The following FGF13 variants were observed in gnomAD, a reference collection of about 807,000 sequenced individuals.
FGF13 encodes fibroblast growth factor homologous factor 2.
Under a neutral mutation model 19.5 loss-of-function variants are expected in FGF13, and 2 were observed. The observed-to-expected ratio is 0.10, with a 90% CI of 0.04 to 0.32. FGF13 has a LOEUF of 0.32. Among genes scored for constraint, FGF13 ranks in the 10% least tolerant of loss-of-function variants. FGF13 has a pLI of 1.00. For missense variants in FGF13, 113 were observed against 192.7 expected, an observed-to-expected ratio of 0.59 and a Z score of 2.45; for synonymous variants, 72 against 76.9, an observed-to-expected ratio of 0.94 and a Z score of 0.33.
intron 1 of FGF13, among the ~76,000 whole-genome samples, chrX:139,028,836 T>A (rs1053209131): frequency 9.1e-6 from 1 of 109,927 alleles, no homozygotes; most frequent in Non-Finnish European, 1.9e-5. Context: ...GGTAGCTTTT[T>A]TTAAGTAAAA....
At chrX:139,104,463 C>T (rs2083542760) in intron 1 of FGF13, among the ~76,000 whole-genome samples, 2 of 110,903 alleles carry the variant, frequency 1.8e-5, no homozygotes, top group Non-Finnish European at 3.8e-5. Context: ...GAATATTGGG[C>T]AGCACTGGAC....
At chrX:138,784,222 G>T (rs1262914719) in intron 3 of FGF13, among the ~76,000 whole-genome samples, 1 of 98,514 alleles carries the variant, frequency 1.0e-5, no homozygotes, top group Non-Finnish European at 2.0e-5. Flanking sequence ...GCTAGATGAC[G>T]AGTTAGTGGG....
chrX:138,832,449 T>C (rs2091081017), intron 3 of FGF13, among the ~76,000 whole-genome samples: 1 of 112,160 alleles, frequency 8.9e-6, no homozygotes, highest in Admixed American at 9.4e-5. Context: ...ATTGGTCACA[T>C]GTATGTCTTC....
intron 3 of FGF13, among the ~76,000 whole-genome samples, chrX:138,745,843 G>A (rs183763667): frequency 8.9e-4 from 99 of 111,610 alleles, no homozygotes; most frequent in African/African-American, 3.0e-3. Flanking sequence ...GATACCTGCA[G>A]AAGGCAATCA....
intron 1 of FGF13, among the ~76,000 whole-genome samples, chrX:139,095,206 A>G (rs2083463185): frequency 8.9e-6 from 1 of 112,033 alleles, no homozygotes; most frequent in South Asian, 3.7e-4. Flanking sequence ...CTGACAAAGC[A>G]GAGACTTGTT....
intron 1 of FGF13, among the ~76,000 whole-genome samples, chrX:139,121,273 A>G (rs1405188077): frequency 8.9e-6 from 1 of 112,211 alleles, no homozygotes; most frequent in Non-Finnish European, 1.9e-5. Context: ...CACCATTTGT[A>G]AAATAAGCAA....
chrX:138,792,857 C>T (rs1030391266), intron 3 of FGF13, among the ~76,000 whole-genome samples: 9 of 111,525 alleles, frequency 8.1e-5, no homozygotes, highest in African/African-American at 2.9e-4. Context: ...GTTATATTCC[C>T]CCAGAATACA....
At chrX:138,798,983 C>A (rs184835822) in intron 3 of FGF13, among the ~76,000 whole-genome samples, 7 of 110,687 alleles carry the variant, frequency 6.3e-5, no homozygotes, top group Non-Finnish European at 1.3e-4. Flanking sequence ...AGCGGTCCAT[C>A]TATTTTGTTA....
At chrX:138,637,133 G>A (rs1438723591) in intron 3 of FGF13, among the ~76,000 whole-genome samples, 1 of 111,939 alleles carries the variant, frequency 8.9e-6, no homozygotes, top group African/African-American at 3.2e-5. Flanking sequence ...GATGTTCAGA[G>A]GATTCACACA....
chrX:138,878,370 C>A (rs780891160), intron 1 of FGF13, among the ~76,000 whole-genome samples: 2 of 93,178 alleles, frequency 2.1e-5, no homozygotes, highest in African/African-American at 8.2e-5. Flanking sequence ...TCTCATTGTT[C>A]AATTCCCACC....
At chrX:138,687,638 C>T (rs1048573345) in intron 3 of FGF13, among the ~76,000 whole-genome samples, 10 of 111,721 alleles carry the variant, frequency 9.0e-5, no homozygotes, top group African/African-American at 3.3e-4. Flanking sequence ...ATCCAGCAAT[C>T]CCACTACTGG....
rs181015229 is a variant in FGF13 at position 139,157,591 on chromosome X, G to T, written c.-113+45825C>A. ...AAGAAGGCCTTCACCCCATGCAGGT[G>T]TAATGGTTTTTAACTTCCCAGCCTC... is the stretch of plus-strand genomic sequence containing the variant. On this transcript the variant is annotated intron_variant, in intron 1 of 2. Coordinates refer to the FGF13 transcript ENST00000421460. 1.5e-3 allele frequency among the ~76,000 whole-genome samples: 169 copies of T among 112,563 alleles called. 1 individual carries two copies. Among genetic ancestry groups the T allele is most frequent in the African/African-American group, 4.8e-3 (150 of 31,003 alleles).
At chrX:138,637,157 C>G (rs1238987999) in intron 3 of FGF13, among the ~76,000 whole-genome samples, 1 of 111,959 alleles carries the variant, frequency 8.9e-6, no homozygotes, top group African/African-American at 3.2e-5. Context: ...TCAACCTACT[C>G]AAGAAGCAAT....
intron 3 of FGF13, among the ~76,000 whole-genome samples, chrX:138,683,293 A>T (rs1225156281): frequency 9.0e-6 from 1 of 110,712 alleles, no homozygotes; most frequent in Non-Finnish European, 1.9e-5. Flanking sequence ...ATGTTTGAAG[A>T]TGGGGATTAT....
At position 138,647,736 on chromosome X, in the gene FGF13, CTAAG is replaced by C. The variant is rs56821225; in HGVS notation, c.403-12085_403-12082del. Among the ~76,000 whole-genome samples, 566 of 111,674 alleles carry C rather than the reference CTAAG, an allele frequency of 5.1e-3. 3 individuals carry two copies. The highest frequency in any genetic ancestry group is 0.017 in the African/African-American group (535 of 30,729). ...ATTTAAATTTTCAAATATTTGTTAC[CTAAG>C]TATCACTGTAGCTGAAAACACAACA... is the stretch of plus-strand genomic sequence containing the variant. On this transcript the variant is annotated intron_variant, in intron 3 of 4. Coordinates refer to ENST00000315930, the MANE Select transcript of FGF13 (RefSeq NM_004114.5).
intron 1 of FGF13, among the ~76,000 whole-genome samples, chrX:139,030,078 T>C (rs2092220945): frequency 8.9e-6 from 1 of 111,803 alleles, no homozygotes; most frequent in Non-Finnish European, 1.9e-5. Flanking sequence ...AGGCCCTACT[T>C]TGCCAACCCC....
At chrX:138,827,017 C>T (rs1441199598) in intron 3 of FGF13, among the ~76,000 whole-genome samples, 1 of 112,327 alleles carries the variant, frequency 8.9e-6, no homozygotes, top group Non-Finnish European at 1.9e-5. Context: ...ATAGCCGCCT[C>T]TATATAGATT....
chrX:139,116,538 T>C (rs1468611465), intron 1 of FGF13, among the ~76,000 whole-genome samples: 2 of 111,665 alleles, frequency 1.8e-5, no homozygotes, highest in East Asian at 5.6e-4. Context: ...TGAGAAAATA[T>C]GAATATTAAT....
chrX:138,708,979 T>C, intron 1 of FGF13, 51 bp from the exon 2 acceptor site: 2 of 672,645 alleles, frequency 3.0e-6, no homozygotes, highest in Non-Finnish European at 4.5e-6. Flanking sequence ...GCCTATGTAG[T>C]TGAAAAGACT....
Sources: gnomAD v4.1 joint callset for allele counts (sites outside exome capture counted in the v4.1 genomes callset) on GRCh38, gnomAD v4.1.1 for gene constraint, MANE v1.5 for transcripts, NCBI Gene and HGNC (gene_info 2026-07-23, HGNC 2026-07-21) for gene names.